The following FAF1 variants were observed in gnomAD, a reference collection of about 807,000 sequenced individuals.
FAF1 encodes the protein Fas associated factor 1.
Under a neutral mutation model 92.5 loss-of-function variants are expected in FAF1, and 25 were observed. The ratio of observed to expected loss-of-function variants is 0.27; its 90% confidence interval spans 0.20 to 0.38. The LOEUF is 0.38. FAF1 is among the 10% of genes least tolerant of loss of function. The pLI is 1.00. For synonymous variants in FAF1, 234 were observed against 273.2 expected (o/e 0.86, Z 1.42); for missense variants, 636 against 793.3 (o/e 0.80, Z 2.38).
At chr1:50,819,671 C>A (rs1644014748) in intron 2 of FAF1, among the ~76,000 whole-genome samples, 1 of 132,376 alleles carries the variant, frequency 7.6e-6, no homozygotes, top group South Asian at 2.3e-4. Flanking sequence ...CACACACACT[C>A]TCTCTCTGTA....
At chr1:50,710,928 G>C (rs1179627043) in intron 6 of FAF1, among the ~76,000 whole-genome samples, 1 of 103,558 alleles carries the variant, frequency 9.7e-6, no homozygotes, top group Non-Finnish European at 1.9e-5. Flanking sequence ...TTTTTTTTTT[G>C]AGATGGAGTC....
rs368592978 is a variant in FAF1 at position 50,591,468 on chromosome 1, G to C, written c.840+4653C>G. 4.6e-5 allele frequency among the ~76,000 whole-genome samples: 7 copies of C among 152,134 alleles called. 1 individual carries two copies. The highest frequency in any genetic ancestry group is 2.4e-5 in the African/African-American group (1 of 41,494). On this transcript the variant is annotated intron_variant, in intron 9 of 18. Transcript: ENST00000396153. Reference sequence around the variant, plus strand: ...CAGGTGGATCACGACTTAAGGTCAGGAGTTACCAGCCTGGCCAACATGGCG... The same window carrying C: ...CAGGTGGATCACGACTTAAGGTCAGCAGTTACCAGCCTGGCCAACATGGCG...
intron 7 of FAF1, among the ~76,000 whole-genome samples, chr1:50,677,713 G>C (rs965205366): frequency 1.3e-5 from 2 of 151,936 alleles, no homozygotes; most frequent in Admixed American, 6.6e-5. Flanking sequence ...TGACCAACAT[G>C]GAGAAACCCT....
chr1:50,919,835 A>G (rs534078992), intron 1 of FAF1, among the ~76,000 whole-genome samples: 3 of 152,314 alleles, frequency 2.0e-5, no homozygotes, highest in African/African-American at 7.2e-5. Context: ...AGGAACTGTG[A>G]TAAGTAAACC....
chr1:50,929,474 A>C (rs900709337), intron 1 of FAF1, among the ~76,000 whole-genome samples: 47 of 152,324 alleles, frequency 3.1e-4, no homozygotes, highest in Admixed American at 7.2e-4. Context: ...AAAAAATAAA[A>C]ATTTCCCTAA....
intron 3 of FAF1, among the ~76,000 whole-genome samples, chr1:50,797,603 G>A (rs1661811941): frequency 6.6e-6 from 1 of 152,144 alleles, no homozygotes; most frequent in Non-Finnish European, 1.5e-5. Context: ...GGGGGCTGAG[G>A]TGGGAGGATC....
chr1:50,701,562 CA>C (rs1657475439), intron 7 of FAF1, among the ~76,000 whole-genome samples: 2 of 151,962 alleles, frequency 1.3e-5, no homozygotes, highest in Non-Finnish European at 2.9e-5. Context: ...GAGAATAGTC[CA>C]AAATATACGC....
chr1:50,865,844 TAAAAGAAAAAAA>T (rs1412281250), intron 1 of FAF1, among the ~76,000 whole-genome samples: 1 of 131,774 alleles, frequency 7.6e-6, no homozygotes, highest in Admixed American at 7.5e-5. Flanking sequence ...ATAATAATAA[TAAAAGAAAAAAA>T]AAAAGAAAAG....
At chr1:50,648,945 C>A (rs1200792281) in intron 8 of FAF1, among the ~76,000 whole-genome samples, 2 of 151,998 alleles carry the variant, frequency 1.3e-5, no homozygotes, top group East Asian at 3.9e-4. Flanking sequence ...GGGGGCCTGG[C>A]CCTAATTGTT....
At chr1:50,847,102 T>A (rs1045095009) in intron 2 of FAF1, among the ~76,000 whole-genome samples, 2 of 152,182 alleles carry the variant, frequency 1.3e-5, no homozygotes, top group Non-Finnish European at 2.9e-5. Context: ...TGAGGACTTT[T>A]CCCCTTACAA....
intron 1 of FAF1, among the ~76,000 whole-genome samples, chr1:50,861,392 G>A (rs994797719): frequency 6.6e-6 from 1 of 151,784 alleles, no homozygotes; most frequent in South Asian, 2.1e-4. Context: ...TTCATGATAG[G>A]ATTAGTGCCC....
At chr1:50,524,892 AT>A (rs879539454) in intron 15 of FAF1, among the ~76,000 whole-genome samples, 16 of 147,414 alleles carry the variant, frequency 1.1e-4, no homozygotes, top group Admixed American at 2.0e-4. Context: ...TCCCATATGA[AT>A]TTTTTTTTTT....
intron 6 of FAF1, among the ~76,000 whole-genome samples, chr1:50,735,816 G>C (rs1030758060): frequency 1.3e-5 from 2 of 151,972 alleles, no homozygotes; most frequent in Non-Finnish European, 2.9e-5. Context: ...TCTTGGGCTC[G>C]AGCAATTCTC....
chr1:50,449,186 A>G (rs1646263873), intron 18 of FAF1, among the ~76,000 whole-genome samples: 1 of 152,194 alleles, frequency 6.6e-6, no homozygotes, highest in African/African-American at 2.4e-5. Context: ...ACACTTTCAC[A>G]TATATTATCT....
At chr1:50,881,821 T>G (rs1371190034) in intron 1 of FAF1, among the ~76,000 whole-genome samples, 1 of 152,232 alleles carries the variant, frequency 6.6e-6, no homozygotes, top group African/African-American at 2.4e-5. Flanking sequence ...AATGTTGAAC[T>G]AAGAAATTCT....
intron 1 of FAF1, among the ~76,000 whole-genome samples, chr1:50,874,411 G>A (rs1327912979): frequency 6.6e-6 from 1 of 152,030 alleles, no homozygotes; most frequent in Non-Finnish European, 1.5e-5. Flanking sequence ...ACCTAGCCTA[G>A]AGTATAGTAG....
At chr1:50,816,295 C>T (rs965236972) in intron 2 of FAF1, among the ~76,000 whole-genome samples, 45 of 150,294 alleles carry the variant, frequency 3.0e-4, no homozygotes, top group Non-Finnish European at 1.0e-4. Context: ...AGCTCCACCT[C>T]CCGTGTTCAC....
intron 8 of FAF1, among the ~76,000 whole-genome samples, chr1:50,636,788 T>C (rs889383523): frequency 1.4e-4 from 22 of 152,212 alleles, no homozygotes; most frequent in Admixed American, 6.5e-5. Flanking sequence ...TCCCAAGATT[T>C]TCTCCTATAT....
At chr1:50,899,239 T>A (rs1341780656) in intron 1 of FAF1, among the ~76,000 whole-genome samples, 1 of 152,204 alleles carries the variant, frequency 6.6e-6, no homozygotes, top group Non-Finnish European at 1.5e-5. Context: ...ACATGTTCCA[T>A]ATCTTTCCTT....
Sources: gnomAD v4.1 joint callset for allele counts (sites outside exome capture counted in the v4.1 genomes callset) on GRCh38, gnomAD v4.1.1 for gene constraint, MANE v1.5 for transcripts, NCBI Gene and HGNC (gene_info 2026-07-23, HGNC 2026-07-21) for gene names.